Variants in ADAMTS6 observed in about 807,000 individuals in gnomAD.
ADAMTS6 encodes the protein A disintegrin and metalloproteinase with thrombospondin motifs 6.
ADAMTS6 carries 23 observed loss-of-function variants against 144.3 expected under a neutral mutation model. The ratio of observed to expected loss-of-function variants is 0.16; its 90% CI spans 0.11 to 0.23. The LOEUF (loss-of-function observed/expected upper bound fraction) is 0.23. Among genes scored for constraint, ADAMTS6 ranks in the 10% least tolerant of loss-of-function variants. The pLI, the probability that ADAMTS6 is intolerant of heterozygous loss-of-function variation, is 1.00. For missense variants in ADAMTS6, 999 were observed against 1,379.6 expected (o/e 0.72, Z 4.37); for synonymous variants, 444 against 457.5 (o/e 0.97, Z 0.38).
chr5:65,415,761 T>A, intron 7 of ADAMTS6: 1 of 247,924 alleles, frequency 4.0e-6, no homozygotes, highest in South Asian at 4.5e-5. Context: ...TAGGTCTGGG[T>A]GCTAAGTGCT....
At chr5:65,250,280 AG>A (rs1760038992) in intron 14 of ADAMTS6, among the ~76,000 whole-genome samples, 1 of 152,208 alleles carries the variant, frequency 6.6e-6, no homozygotes, top group South Asian at 2.1e-4. Context: ...TAGAGAGGTT[AG>A]GTGATTTGCC....
intron 24 of ADAMTS6, among the ~76,000 whole-genome samples, chr5:65,158,773 A>G (rs1431755774): frequency 6.6e-6 from 1 of 152,212 alleles, no homozygotes; most frequent in African/African-American, 2.4e-5. Context: ...TTCAGAAACA[A>G]AAAACTAAAG....
At chr5:65,302,119 T>G (rs1743463978) in intron 9 of ADAMTS6, among the ~76,000 whole-genome samples, 1 of 143,316 alleles carries the variant, frequency 7.0e-6, no homozygotes, top group Non-Finnish European at 1.5e-5. Flanking sequence ...TATATATATA[T>G]ATATATATAT....
Position 65,354,719 on chromosome 5 carries a change from T to C in ADAMTS6, c.1074-20634A>G, listed in dbSNP as rs187115504. On this transcript the variant is annotated intron_variant, in intron 7 of 24. Coordinates refer to ENST00000381055, the MANE Select transcript of ADAMTS6 (RefSeq NM_197941.4). ...ATAATATCTCTTTTACTAAATATTA[T>C]GAAGCAGCTAACAATATTCTAATTT... Among the ~76,000 whole-genome samples the C allele has an allele frequency of 3.5e-3, 528 of 151,952 alleles. 1 individual carries two copies. Among genetic ancestry groups the C allele is most frequent in the South Asian group, 1.0e-2 (48 of 4,820 alleles).
At chr5:65,169,816 C>G (rs1012770915) in intron 24 of ADAMTS6, among the ~76,000 whole-genome samples, 1 of 146,688 alleles carries the variant, frequency 6.8e-6, no homozygotes, top group Non-Finnish European at 1.5e-5. Context: ...TATTCTCACT[C>G]ATAGGTGGGA....
chr5:65,455,425 C>T (rs889459137), intron 4 of ADAMTS6, among the ~76,000 whole-genome samples: 7 of 152,058 alleles, frequency 4.6e-5, no homozygotes, highest in Non-Finnish European at 1.0e-4. Context: ...GCCTGTAATC[C>T]CAGCTGCTCA....
At chr5:65,189,340 G>T (rs12187213) in intron 21 of ADAMTS6, among the ~76,000 whole-genome samples, 1 of 152,160 alleles carries the variant, frequency 6.6e-6, no homozygotes, top group Non-Finnish European at 1.5e-5. Context: ...TTCTGGTTTA[G>T]AATTTTTATA....
intron 9 of ADAMTS6, among the ~76,000 whole-genome samples, chr5:65,319,647 T>A (rs770970078): frequency 2.9e-4 from 39 of 136,772 alleles, no homozygotes; most frequent in Non-Finnish European, 5.3e-4. Flanking sequence ...AGAGCAAGAC[T>A]GTCTCAAAAA....
chr5:65,352,606 G>A (rs1324738119), intron 7 of ADAMTS6, among the ~76,000 whole-genome samples: 1 of 152,022 alleles, frequency 6.6e-6, no homozygotes, highest in Admixed American at 6.6e-5. Flanking sequence ...GAATAGATCA[G>A]ATGACTCTAA....
chr5:65,398,741 G>C (rs746548521), intron 7 of ADAMTS6, among the ~76,000 whole-genome samples: 1 of 147,872 alleles, frequency 6.8e-6, no homozygotes, highest in Non-Finnish European at 1.5e-5. Context: ...GAGAGAAAGA[G>C]AGATAAAGAG....
chr5:65,172,848 G>A lies in ADAMTS6; in HGVS notation c.3071C>T (p.Thr1024Ile), dbSNP rs553801975. The change falls in exon 23 of 25, where the codon ACA (threonine) becomes ATA (isoleucine). Residue 1024 changes from threonine (T) to isoleucine (I), a missense_variant. Coordinates refer to ENST00000381055, the MANE Select transcript of ADAMTS6 (RefSeq NM_197941.4). ...LGRCPPPRWV[T>I]GDWGQCSAQC... ...ACGCCTTACCTGGCCCCAGTCTCCT[G>A]TGACCCAGCGAGGAGGAGGGCAGCG... 6.3e-5 allele frequency: 101 copies of A among 1,614,150 alleles called. No individual in the cohort carries two copies. In the East Asian group the frequency reaches 2.1e-3, roughly 34 times the overall value.
At chr5:65,287,152 T>A (rs184414940) in intron 11 of ADAMTS6, among the ~76,000 whole-genome samples, 3 of 152,206 alleles carry the variant, frequency 2.0e-5, no homozygotes, top group Non-Finnish European at 2.9e-5. Flanking sequence ...AGACGTCCTA[T>A]CTTTTTATAT....
rs144431232 is a variant in ADAMTS6, at chr5:65,427,285, C to A, written c.1073+24190G>T. Among the ~76,000 whole-genome samples, 1,089 of 151,808 alleles carry A rather than the reference C, an allele frequency of 7.2e-3. 13 individuals carry two copies. Among genetic ancestry groups the A allele is most frequent in the African/African-American group, 0.025 (1,023 of 41,466 alleles). On this transcript the variant is annotated intron_variant, in intron 7 of 24. Transcript: ENST00000381055. ...TCAAATTAGGAAGTTGAATCAATCA[C>A]TTAATTTTATTTTATTATTATTATT...
chr5:65,379,713 T>G (rs779710008), intron 7 of ADAMTS6, among the ~76,000 whole-genome samples: 4 of 152,018 alleles, frequency 2.6e-5, no homozygotes, highest in Admixed American at 2.6e-4. Flanking sequence ...ATAACTTTCA[T>G]GTCCTCGATA....
chr5:65,194,188 C>T (rs1251626180), intron 21 of ADAMTS6, among the ~76,000 whole-genome samples: 1 of 152,046 alleles, frequency 6.6e-6, no homozygotes, highest in East Asian at 1.9e-4. Flanking sequence ...TCAGATGGTC[C>T]CTGATGTTTG....
intron 7 of ADAMTS6, among the ~76,000 whole-genome samples, chr5:65,445,685 T>C (rs1393211195): frequency 6.6e-6 from 1 of 152,006 alleles, no homozygotes; most frequent in African/African-American, 2.4e-5. Flanking sequence ...CACAAGAAAT[T>C]AGAGTTACTC....
At chr5:65,466,844 C>T (rs1334885094) in intron 3 of ADAMTS6, among the ~76,000 whole-genome samples, 4 of 152,068 alleles carry the variant, frequency 2.6e-5, no homozygotes, top group Non-Finnish European at 4.4e-5. Context: ...AGATCGAGAC[C>T]ATCCTGGCTA....
intron 3 of ADAMTS6, among the ~76,000 whole-genome samples, chr5:65,470,270 T>A (rs1240386891): frequency 2.0e-5 from 3 of 152,130 alleles, no homozygotes; most frequent in Admixed American, 6.6e-5. Context: ...AATCTTCATA[T>A]AAATGTATAA....
intron 9 of ADAMTS6, among the ~76,000 whole-genome samples, chr5:65,302,893 G>A (rs1438912467): frequency 6.6e-6 from 1 of 151,824 alleles, no homozygotes; most frequent in East Asian, 1.9e-4. Flanking sequence ...TGAGATTCTC[G>A]ACTCCTTATG....
Sources: allele counts gnomAD v4.1 joint callset (sites outside exome capture counted in the v4.1 genomes callset), GRCh38; gene constraint gnomAD v4.1.1; transcripts MANE v1.5; gene names NCBI Gene and HGNC (gene_info 2026-07-23, HGNC 2026-07-21).